Variants in SCN2A observed in about 807,000 individuals in gnomAD.
SCN2A encodes sodium channel protein type 2 subunit alpha.
In SCN2A, 20 loss-of-function variants were observed where a neutral mutation model predicts 188.7. The observed-to-expected ratio is 0.11, with a 90% CI of 0.07 to 0.15. The LOEUF (loss-of-function observed/expected upper bound fraction) is 0.15, where lower values mean the gene tolerates loss of function less well. Among genes scored for constraint, SCN2A ranks in the 10% least tolerant of loss-of-function variants. SCN2A has a pLI of 1.00. For missense variants in SCN2A, 1,278 were observed against 2,445.0 expected (o/e 0.52, Z 10.07); for synonymous variants, 804 against 833.1 (o/e 0.97, Z 0.60).
chr2:165,324,262 A>G (rs1947114), intron 12 of SCN2A, among the ~76,000 whole-genome samples: 38,029 of 152,132 alleles, frequency 0.25, 5,117 homozygotes, highest in East Asian at 0.41. Context: ...AAATTCCATT[A>G]GCTATCAAGA....
At chr2:165,367,801 G>C (rs6738948) in intron 19 of SCN2A, among the ~76,000 whole-genome samples, 3 of 152,196 alleles carry the variant, frequency 2.0e-5, no homozygotes, top group Non-Finnish European at 2.9e-5. Flanking sequence ...CCTCACAGGA[G>C]GGGGAGCGCA....
intron 1 of SCN2A, among the ~76,000 whole-genome samples, chr2:165,291,368 C>A (rs868317271): frequency 0.045 from 4,163 of 93,454 alleles, 171 homozygotes; most frequent in Non-Finnish European, 0.064. Flanking sequence ...TCCTTCCTTC[C>A]TTCCTTCCTT....
At chr2:165,294,018 A>C in intron 1 of SCN2A, 4 of 850,150 alleles carry the variant, frequency 4.7e-6, no homozygotes, top group Middle Eastern at 6.0e-4. Flanking sequence ...ATTAAAAAAA[A>C]AAAAAAAAAA....
At chr2:165,259,527 C>A (rs978344425) in intron 1 of SCN2A, among the ~76,000 whole-genome samples, 1 of 152,190 alleles carries the variant, frequency 6.6e-6, no homozygotes, top group Non-Finnish European at 1.5e-5. Context: ...TATCATTTCA[C>A]AATATTCATA....
At chr2:165,320,076 A>G (rs912817171) in intron 11 of SCN2A, among the ~76,000 whole-genome samples, 6 of 152,256 alleles carry the variant, frequency 3.9e-5, no homozygotes, top group Non-Finnish European at 4.4e-5. Flanking sequence ...GTTACTTCCT[A>G]GATACAATAG....
In SCN2A at chr2:165,314,297, A is replaced by C. The variant is rs73023770; in HGVS notation, c.1383+189A>C. ...GATCTCTGTCAATAGTGTCAATAGT[A>C]ATGGCATCAAAAAATGGATAATTAT... is the stretch of plus-strand genomic sequence containing the variant. On this transcript the variant is annotated intron_variant, in intron 10 of 26. Transcript: ENST00000375437. Among the ~76,000 whole-genome samples, 3,038 of 152,280 alleles carry C rather than the reference A, an allele frequency of 0.02. 83 individuals are homozygous for C. The highest frequency in any genetic ancestry group is 0.063 in the African/African-American group (2,608 of 41,552).
chr2:165,380,284 T>C (rs1203792553), intron 23 of SCN2A, among the ~76,000 whole-genome samples: 1 of 151,848 alleles, frequency 6.6e-6, no homozygotes, highest in Non-Finnish European at 1.5e-5. Flanking sequence ...AGGAAATCTT[T>C]AATTTGCATG....
At chr2:165,282,124 T>G (rs1574494150) in intron 1 of SCN2A, among the ~76,000 whole-genome samples, 1 of 152,168 alleles carries the variant, frequency 6.6e-6, no homozygotes, top group South Asian at 2.1e-4. Context: ...GATCACAAGC[T>G]CAGGTCAAGT....
At chr2:165,377,010 A>G (rs1701350172) in intron 22 of SCN2A, among the ~76,000 whole-genome samples, 1 of 152,022 alleles carries the variant, frequency 6.6e-6, no homozygotes, top group South Asian at 2.1e-4. Flanking sequence ...CATTATGTCA[A>G]CGGAGCAGAA....
intron 16 of SCN2A, 133 bp from the exon 17 acceptor site, chr2:165,354,059 A>T (rs1170276372): frequency 5.7e-6 from 6 of 1,057,656 alleles, no homozygotes; most frequent in South Asian, 1.3e-5. Flanking sequence ...TTTTCAGAAT[A>T]GTGTATCATG....
At chr2:165,318,091 G>T (rs1196367589) in intron 11 of SCN2A, among the ~76,000 whole-genome samples, 1 of 152,144 alleles carries the variant, frequency 6.6e-6, no homozygotes, top group Admixed American at 6.5e-5. Context: ...GTGTCTGTTA[G>T]ATTTTTAAGA....
intron 1 of SCN2A, chr2:165,266,771 G>C (rs1694884321): frequency 6.6e-6 from 1 of 151,992 alleles, no homozygotes; most frequent in Non-Finnish European, 1.5e-5. Flanking sequence ...AAATCTGATT[G>C]TGTCTGTACA....
chr2:165,308,613 A>G, intron 4 of SCN2A, 53 bp from the exon 5 acceptor site: 1 of 1,585,476 alleles, frequency 6.3e-7, no homozygotes, highest in Non-Finnish European at 8.6e-7. Flanking sequence ...TAAGATATGT[A>G]CTTGTAAATT....
intron 1 of SCN2A, among the ~76,000 whole-genome samples, chr2:165,282,473 A>G (rs1181914008): frequency 1.3e-5 from 2 of 152,238 alleles, no homozygotes; most frequent in East Asian, 3.8e-4. Context: ...TGAGTACAAC[A>G]TTAAATAGCA....
chr2:165,296,111 C>T, intron 2 of SCN2A, 21 bp downstream of exon 2: 4 of 1,607,612 alleles, frequency 2.5e-6, no homozygotes, highest in Non-Finnish European at 2.6e-6. Context: ...AGTCAAGTTG[C>T]CTTCACTGCC....
chr2:165,332,320 G>A (rs767144407), intron 14 of SCN2A, among the ~76,000 whole-genome samples: 11 of 151,944 alleles, frequency 7.2e-5, no homozygotes, highest in Non-Finnish European at 1.6e-4. Context: ...AGGCTCTGAA[G>A]TAACCACTAT....
chr2:165,326,342 T>A (rs1698357404), intron 12 of SCN2A, among the ~76,000 whole-genome samples: 1 of 152,236 alleles, frequency 6.6e-6, no homozygotes, highest in Non-Finnish European at 1.5e-5. Context: ...ATTAGGAATG[T>A]TGGGAAATAT....
At chr2:165,388,161 T>C (rs1701968689) in intron 26 of SCN2A, among the ~76,000 whole-genome samples, 1 of 152,152 alleles carries the variant, frequency 6.6e-6, no homozygotes, top group South Asian at 2.1e-4. Flanking sequence ...CAAGTACATC[T>C]GTCTCCAAAG....
chr2:165,378,756 A>G (rs1363448781), intron 23 of SCN2A, among the ~76,000 whole-genome samples: 3 of 150,264 alleles, frequency 2.0e-5, no homozygotes, highest in Non-Finnish European at 4.5e-5. Context: ...AACTTAGCAG[A>G]CCTTTTCCGC....
Sources: gnomAD v4.1 joint callset for allele counts (sites outside exome capture counted in the v4.1 genomes callset) on GRCh38, gnomAD v4.1.1 for gene constraint, MANE v1.5 for transcripts, NCBI Gene and HGNC (gene_info 2026-07-23, HGNC 2026-07-21) for gene names.